The following TESPA1 variants were observed in gnomAD, a reference collection of about 807,000 sequenced individuals.
TESPA1 encodes the protein protein TESPA1.
In TESPA1, 33 loss-of-function variants were observed where a neutral mutation model predicts 57.9. The ratio of observed to expected loss-of-function variants is 0.57; its 90% CI spans 0.43 to 0.76. The LOEUF (loss-of-function observed/expected upper bound fraction) is 0.76. Ranked by LOEUF, TESPA1 falls within the 30% of genes least tolerant of loss-of-function variation. TESPA1 has a pLI of 0.00. For synonymous variants in TESPA1, 227 were observed against 228.9 expected (o/e 0.99, Z 0.07); for missense variants, 618 against 632.9 (o/e 0.98, Z 0.25).
intron 10 of TESPA1, among the ~76,000 whole-genome samples, chr12:54,953,034 C>T (rs1333177889): frequency 6.6e-6 from 1 of 152,020 alleles, no homozygotes; most frequent in Non-Finnish European, 1.5e-5. Flanking sequence ...ATTCCCACTG[C>T]CTTCAGCTTG....
intron 3 of TESPA1, among the ~76,000 whole-genome samples, chr12:54,971,843 GA>G (rs1348128293): frequency 6.6e-6 from 1 of 151,846 alleles, no homozygotes; most frequent in Non-Finnish European, 1.5e-5. Context: ...TCATTTCTGG[GA>G]ATTTTTTTTC....
intron 1 of TESPA1, 66 bp from the exon 2 acceptor site, chr12:54,974,673 T>C (rs1952052760): frequency 7.2e-6 from 9 of 1,244,380 alleles, no homozygotes; most frequent in Non-Finnish European, 8.3e-6. Context: ...TGCTCAGGGT[T>C]GCCCCCTGAA....
Position 54,962,555 on chromosome 12 carries a change from A to G in TESPA1, c.1343T>C (p.Met448Thr), listed in dbSNP as rs1951153585. ...GTCCAAGGACTTAACCTTCCTGCCC[A>G]TGAGATTCTTCTGGAAGAGGCTCTT... Reference protein sequence around the residue: ...ARKSLFQKNLMGRKVKSLDLS... With the variant: ...ARKSLFQKNLTGRKVKSLDLS... Residue 448 changes from methionine (M) to threonine (T), a missense_variant, in exon 9 of 11, where the codon ATG (methionine) becomes ACG (threonine). Transcript: ENST00000449076. 1.2e-6 allele frequency: 2 copies of G among 1,613,928 alleles called. No individual in the cohort carries two copies. Among genetic ancestry groups the G allele is most frequent in the Non-Finnish European group, 1.7e-6 (2 of 1,179,892 alleles).
chr12:54,954,049 T>C (rs923491230), intron 10 of TESPA1, among the ~76,000 whole-genome samples: 4 of 152,198 alleles, frequency 2.6e-5, no homozygotes, highest in African/African-American at 9.6e-5. Context: ...TACATTTCAG[T>C]GGTGACAAAG....
intron 3 of TESPA1, among the ~76,000 whole-genome samples, chr12:54,971,491 C>T (rs958395171): frequency 9.2e-5 from 14 of 151,836 alleles, no homozygotes; most frequent in Non-Finnish European, 1.9e-4. Flanking sequence ...AATTAGAAAA[C>T]AGAGGAAATT....
chr12:54,965,959 A>C, intron 7 of TESPA1, 94 bp downstream of exon 7: 1 of 1,189,038 alleles, frequency 8.4e-7, no homozygotes, highest in Non-Finnish European at 1.2e-6. Flanking sequence ...CTCCAGTAAG[A>C]TATCCCAGAA....
At chr12:54,978,935 A>T (rs1475048281) in intron 1 of TESPA1, among the ~76,000 whole-genome samples, 1 of 152,228 alleles carries the variant, frequency 6.6e-6, no homozygotes, top group South Asian at 2.1e-4. Flanking sequence ...AACATAGCAC[A>T]GTACTTTGCA....
At chr12:54,982,363 A>G (rs961055638) in intron 1 of TESPA1, among the ~76,000 whole-genome samples, 1 of 152,130 alleles carries the variant, frequency 6.6e-6, no homozygotes, top group African/African-American at 2.4e-5. Context: ...GGTAAATAAC[A>G]GAAAGAAAAA....
At chr12:54,974,076 G>C (rs1416030778) in intron 2 of TESPA1, 2 of 313,604 alleles carry the variant, frequency 6.4e-6, no homozygotes, top group Non-Finnish European at 1.0e-5. Context: ...CATCCAGCTT[G>C]GGTGTGGTCT....
intron 5 of TESPA1, 142 bp from the exon 6 acceptor site, chr12:54,966,566 C>T (rs1592371259): frequency 2.3e-6 from 2 of 886,000 alleles, no homozygotes; most frequent in East Asian, 2.6e-5. Context: ...AAATTCTGCA[C>T]TTCTTGGGGC....
chr12:54,961,438 C>G (rs1348715861), intron 9 of TESPA1, among the ~76,000 whole-genome samples, 171 bp from the exon 10 acceptor site: 2 of 152,148 alleles, frequency 1.3e-5, no homozygotes, highest in Non-Finnish European at 2.9e-5. Context: ...AGGTGTAGCT[C>G]TACATTCAAG....
At chr12:54,979,207 T>TA (rs11420030) in intron 1 of TESPA1, among the ~76,000 whole-genome samples, 50,761 of 151,924 alleles carry the variant, frequency 0.33, 10,702 homozygotes, top group East Asian at 0.89. Context: ...TTCTCCTATT[T>TA]AAAAAAAATA....
upstream of TESPA1, among the ~76,000 whole-genome samples, chr12:54,984,928 T>C (rs1452441245): frequency 6.6e-6 from 1 of 152,212 alleles, no homozygotes; most frequent in Non-Finnish European, 1.5e-5. Flanking sequence ...CCTCTGTCTT[T>C]CCAGAAAAAC....
chr12:54,972,636 A>AACAAAC (rs765414273), intron 3 of TESPA1, among the ~76,000 whole-genome samples: 24 of 152,222 alleles, frequency 1.6e-4, no homozygotes, highest in Non-Finnish European at 7.3e-5. Context: ...CAAACAACAA[A>AACAAAC]ACAAACACAA....
At chr12:54,966,238 C>T (rs961454497) in intron 6 of TESPA1, 87 bp from the exon 7 acceptor site, 65 of 1,560,144 alleles carry the variant, frequency 4.2e-5, no homozygotes, top group Admixed American at 1.8e-5. Flanking sequence ...TTATTCACCC[C>T]CTGAACAGTA....
At chr12:54,975,014 T>A (rs1022523028) in intron 1 of TESPA1, among the ~76,000 whole-genome samples, 3 of 152,198 alleles carry the variant, frequency 2.0e-5, no homozygotes, top group Non-Finnish European at 4.4e-5. Context: ...ACTTATAAAA[T>A]TCACTTCATT....
chr12:54,978,007 CGTTTTTTTTTT>C (rs1952194326), intron 1 of TESPA1, among the ~76,000 whole-genome samples: 1 of 148,360 alleles, frequency 6.7e-6, no homozygotes, highest in African/African-American at 2.5e-5. Flanking sequence ...GACAAGAAAC[CGTTTTTTTTTT>C]GTTTTTTTTT....
intron 10 of TESPA1, among the ~76,000 whole-genome samples, chr12:54,954,046 C>T (rs976305713): frequency 6.6e-6 from 1 of 152,170 alleles, no homozygotes; most frequent in Non-Finnish European, 1.5e-5. Flanking sequence ...AAGTACATTT[C>T]AGTGGTGACA....
chr12:54,968,691 A>G (rs1261335549), intron 3 of TESPA1, among the ~76,000 whole-genome samples: 3 of 152,166 alleles, frequency 2.0e-5, no homozygotes, highest in Non-Finnish European at 4.4e-5. Context: ...TCTACTTCAA[A>G]CACTGATATG....
Sources: allele counts gnomAD v4.1 joint callset (sites outside exome capture counted in the v4.1 genomes callset), GRCh38; gene constraint gnomAD v4.1.1; transcripts MANE v1.5; gene names NCBI Gene and HGNC (gene_info 2026-07-23, HGNC 2026-07-21).